ANK3: variants seen among roughly 807,000 people sequenced by gnomAD.
ANK3 encodes ankyrin-3.
ANK3 carries 57 observed loss-of-function variants against 370.9 expected under a neutral mutation model. The ratio of observed to expected loss-of-function variants is 0.15; its 90% CI spans 0.12 to 0.19. ANK3 has a LOEUF of 0.19. ANK3 is among the 10% of genes least tolerant of loss of function. The pLI is 1.00. For synonymous variants in ANK3, 1,929 were observed against 1,946.3 expected (o/e 0.99, Z 0.23); for missense variants, 4,439 against 5,302.1 (o/e 0.84, Z 5.06).
intron 23 of ANK3, among the ~76,000 whole-genome samples, chr10:60,152,963 C>T (rs2095198729): frequency 1.3e-5 from 2 of 152,146 alleles, no homozygotes; most frequent in South Asian, 2.1e-4. Context: ...TACAACTCAG[C>T]AATTATACTC....
intron 25 of ANK3, among the ~76,000 whole-genome samples, chr10:60,117,558 A>T (rs914566680): frequency 1.3e-5 from 2 of 152,114 alleles, no homozygotes; most frequent in African/African-American, 4.8e-5. Context: ...GTGGCTCATG[A>T]CTAATCCCAG....
rs562330767 is a variant in ANK3 at position 60,594,616 on chromosome 10, C to A, written c.96+20570G>T. On this transcript the variant is annotated intron_variant, in intron 2 of 43. Coordinates refer to the ANK3 transcript ENST00000373827. Reference sequence around the variant, plus strand: ...ATATATGCCTATTTTTACACACACACACACGACTATATGTGAAAAAAATAT... The same window carrying A: ...ATATATGCCTATTTTTACACACACAAACACGACTATATGTGAAAAAAATAT... Among the ~76,000 whole-genome samples the A allele has an allele frequency of 3.3e-5, 5 of 152,122 alleles. No individual in the cohort carries two copies. The East Asian group carries it at 9.6e-4, about 29-fold the overall frequency.
At chr10:60,469,285 G>A (rs1380654404) in intron 2 of ANK3, among the ~76,000 whole-genome samples, 1 of 22 alleles carries the variant, frequency 0.045, no homozygotes, top group Admixed American at 0.25. Context: ...TTTTTAGTGT[G>A]TGTATATATA....
intron 2 of ANK3, among the ~76,000 whole-genome samples, chr10:60,483,302 TAATATCTCTATTTAA>T (rs1270385514): frequency 6.6e-6 from 1 of 152,256 alleles, no homozygotes; most frequent in Non-Finnish European, 1.5e-5. Flanking sequence ...CTTCTATCTG[TAATATCTCTATTTAA>T]AAACTTTAAT....
intron 2 of ANK3, among the ~76,000 whole-genome samples, chr10:60,400,013 T>A (rs1201277151): frequency 3.1e-3 from 43 of 13,692 alleles, no homozygotes; most frequent in African/African-American, 5.5e-3. Flanking sequence ...CAATACAGTG[T>A]GTGTGTGTGT....
intron 1 of ANK3, among the ~76,000 whole-genome samples, chr10:60,626,301 T>C (rs972156961): frequency 2.0e-4 from 31 of 152,178 alleles, no homozygotes; most frequent in African/African-American, 7.2e-4. Flanking sequence ...AAAAAACAAA[T>C]TTGTGATAAT....
chr10:60,186,654 A>G, intron 17 of ANK3, 61 bp downstream of exon 17: 1 of 1,511,888 alleles, frequency 6.6e-7, no homozygotes, highest in Non-Finnish European at 9.1e-7. Context: ...ATTCTTAGTG[A>G]CCTTTCTGAG....
At chr10:60,201,677 G>C (rs931364254) in intron 12 of ANK3, among the ~76,000 whole-genome samples, 2 of 151,328 alleles carry the variant, frequency 1.3e-5, no homozygotes, top group Non-Finnish European at 2.9e-5. Context: ...ACATTAAAGA[G>C]AGACTACCTT....
intron 1 of ANK3, among the ~76,000 whole-genome samples, chr10:60,334,623 C>T (rs143388538): frequency 2.0e-4 from 31 of 152,232 alleles, no homozygotes; most frequent in East Asian, 1.9e-3. Flanking sequence ...TGCATAACTT[C>T]GCAGCAAGTT....
intron 2 of ANK3, among the ~76,000 whole-genome samples, chr10:60,431,717 C>G (rs1180991443): frequency 6.6e-6 from 1 of 152,032 alleles, no homozygotes; most frequent in Non-Finnish European, 1.5e-5. Context: ...TGGGAGGGTG[C>G]AGCAAACCAC....
intron 2 of ANK3, among the ~76,000 whole-genome samples, chr10:60,493,360 C>T (rs2075573394): frequency 6.6e-6 from 1 of 151,912 alleles, no homozygotes; most frequent in Admixed American, 6.6e-5. Flanking sequence ...AGTTAGAAAA[C>T]CATGCTTAAG....
At chr10:60,067,076 C>T (rs1447184414) in intron 38 of ANK3, among the ~76,000 whole-genome samples, 3 of 152,112 alleles carry the variant, frequency 2.0e-5, no homozygotes, top group African/African-American at 7.2e-5. Flanking sequence ...TGCACCACCA[C>T]ACCTGGCTAA....
chr10:60,661,902 A>G (rs2078940305), intron 1 of ANK3, among the ~76,000 whole-genome samples: 1 of 152,146 alleles, frequency 6.6e-6, no homozygotes, highest in Non-Finnish European at 1.5e-5. Flanking sequence ...ACTAGTATGC[A>G]CTTTCATCCC....
intron 2 of ANK3, among the ~76,000 whole-genome samples, chr10:60,416,347 ACC>A (rs2063668394): frequency 1.3e-5 from 2 of 152,216 alleles, no homozygotes; most frequent in African/African-American, 4.8e-5. Flanking sequence ...AAACATGTTA[ACC>A]AAAATAAGCC....
chr10:60,447,109 C>A (rs758232585), intron 2 of ANK3, among the ~76,000 whole-genome samples: 8 of 152,174 alleles, frequency 5.3e-5, no homozygotes, highest in Non-Finnish European at 8.8e-5. Context: ...AAATGCCACA[C>A]GGCCACATCC....
At position 60,473,687 on chromosome 10, in the gene ANK3, T is replaced by C. The variant is rs1052561949; in HGVS notation, c.96+141499A>G. ...CCTCAATAGGCTTGGGGTGAGGAGA[T>C]TGAAGCATAAAAACCCAAGGGCAAA... On this transcript the variant is annotated intron_variant, in intron 2 of 43. Coordinates refer to the ANK3 transcript ENST00000373827. Among the ~76,000 whole-genome samples the C allele has an allele frequency of 1.1e-4, 17 of 152,176 alleles. No homozygotes were observed. The East Asian group carries it at 2.3e-3, about 21-fold the overall frequency.
intron 7 of ANK3, among the ~76,000 whole-genome samples, chr10:60,257,984 G>C (rs1355589739): frequency 6.6e-6 from 1 of 152,208 alleles, no homozygotes; most frequent in Non-Finnish European, 1.5e-5. Context: ...TGTATTTGAT[G>C]AAAAAATTCA....
chr10:60,525,747 A>G (rs1352913361), intron 2 of ANK3, among the ~76,000 whole-genome samples: 3 of 152,140 alleles, frequency 2.0e-5, no homozygotes, highest in African/African-American at 4.8e-5. Flanking sequence ...TCCTTGCAAC[A>G]TGGAGGGAAT....
intron 2 of ANK3, among the ~76,000 whole-genome samples, chr10:60,479,220 A>G (rs1209334225): frequency 1.3e-5 from 2 of 152,130 alleles, no homozygotes; most frequent in Admixed American, 1.3e-4. Context: ...TCAATGATAA[A>G]CCACATATAT....
Sources: gnomAD v4.1 joint callset for allele counts (sites outside exome capture counted in the v4.1 genomes callset) on GRCh38, gnomAD v4.1.1 for gene constraint, MANE v1.5 for transcripts, NCBI Gene and HGNC (gene_info 2026-07-23, HGNC 2026-07-21) for gene names.